AASDHPPT: variants seen among roughly 807,000 people sequenced by gnomAD.
AASDHPPT encodes the protein L-aminoadipate-semialdehyde dehydrogenase-phosphopantetheinyl transferase.
AASDHPPT carries 23 observed loss-of-function variants against 36.4 expected under a neutral mutation model. The observed-to-expected ratio is 0.63, with a 90% CI of 0.45 to 0.89. AASDHPPT has a LOEUF of 0.89. Ranked by LOEUF, AASDHPPT falls within the 40% of genes least tolerant of loss-of-function variation. The pLI is 0.00. For missense variants in AASDHPPT, 377 were observed against 378.2 expected (o/e 1.00, Z 0.03); for synonymous variants, 115 against 128.0 (o/e 0.90, Z 0.68).
intron 4 of AASDHPPT, chr11:106,091,726 G>A: frequency 3.1e-6 from 1 of 318,486 alleles, no homozygotes; most frequent in Non-Finnish European, 5.6e-6. Context: ...AGCTTTGCAT[G>A]TATGAACAGC....
At chr11:106,077,967 C>G in intron 1 of AASDHPPT, 74 bp downstream of exon 1, 1 of 1,509,836 alleles carries the variant, frequency 6.6e-7, no homozygotes, top group Non-Finnish European at 9.0e-7. Flanking sequence ...CTGTGGAGAC[C>G]CGACACTCCC....
At chr11:106,087,788 AATG>A (rs1861211394) in intron 2 of AASDHPPT, among the ~76,000 whole-genome samples, 1 of 152,142 alleles carries the variant, frequency 6.6e-6, no homozygotes, top group African/African-American at 2.4e-5. Flanking sequence ...TGCTCTCCCT[AATG>A]ATCAAGCTAT....
Position 106,077,903 on chromosome 11 carries a change from G to A in AASDHPPT, c.183+10G>A. The A allele has an allele frequency of 6.2e-7, 1 of 1,613,030 alleles. No individual in the cohort carries two copies. The highest frequency in any genetic ancestry group is 1.1e-5 in the South Asian group (1 of 91,026). The stretch of plus-strand genomic sequence containing the variant: ...CGCTAAGGCAGCCATGGTACTACAG[G>A]TCTTTTTTGGTATTTAGAGCCTAGG... On this transcript the variant is annotated intron_variant, in intron 1 of 5. Coordinates refer to ENST00000278618, the MANE Select transcript of AASDHPPT (RefSeq NM_015423.3).
chr11:106,079,385 C>CA (rs971949759), intron 1 of AASDHPPT, 82 bp from the exon 2 acceptor site: 88 of 1,234,040 alleles, frequency 7.1e-5, no homozygotes, highest in Middle Eastern at 2.8e-4. Flanking sequence ...TTTTAGAAAC[C>CA]AAAAAAAAGT....
At chr11:106,084,382 G>A (rs1861175994) in intron 2 of AASDHPPT, among the ~76,000 whole-genome samples, 1 of 152,134 alleles carries the variant, frequency 6.6e-6, no homozygotes, top group African/African-American at 2.4e-5. Context: ...ATTAATGGTG[G>A]ATGCATTCTG....
chr11:106,095,145 G>A (rs1045489584), intron 5 of AASDHPPT, among the ~76,000 whole-genome samples: 1 of 151,966 alleles, frequency 6.6e-6, no homozygotes, highest in Non-Finnish European at 1.5e-5. Context: ...AATGTTACCC[G>A]CTTCTTCACA....
At chr11:106,096,708 A>C in intron 5 of AASDHPPT, 35 bp from the exon 6 acceptor site, 1 of 1,498,492 alleles carries the variant, frequency 6.7e-7, no homozygotes, top group Non-Finnish European at 9.0e-7. Context: ...TTAACATGCA[A>C]TATAACAATA....
chr11:106,078,523 C>T (rs975853177), intron 1 of AASDHPPT, among the ~76,000 whole-genome samples: 3 of 152,186 alleles, frequency 2.0e-5, no homozygotes, highest in African/African-American at 7.2e-5. Context: ...AACAAGTAAT[C>T]TGTACAATAT....
At chr11:106,093,205 A>G (rs1412040426) in intron 4 of AASDHPPT, 1 of 152,180 alleles carries the variant, frequency 6.6e-6, no homozygotes, top group Non-Finnish European at 1.5e-5. Flanking sequence ...GCCTCTACAA[A>G]AAATTTAAAA....
chr11:106,087,879 G>T lies in AASDHPPT; in HGVS notation c.410-2678G>T, dbSNP rs566532050. 2.6e-5 allele frequency among the ~76,000 whole-genome samples: 4 copies of T among 152,268 alleles called. No homozygotes were observed. The South Asian group carries it at 8.3e-4, about 32-fold the overall frequency. On this transcript the variant is annotated intron_variant, in intron 2 of 5. Transcript: ENST00000278618. The stretch of plus-strand genomic sequence containing the variant: ...AATGGTATTATTAGAACTTGCCAAC[G>T]TATGTGCAGTAATTGTGCTGTCTTC...
chr11:106,091,520 T>C, intron 4 of AASDHPPT, 43 bp downstream of exon 4: 1 of 1,529,534 alleles, frequency 6.5e-7, no homozygotes. Flanking sequence ...AATTTCTATT[T>C]TTTATGCATG....
intron 2 of AASDHPPT, among the ~76,000 whole-genome samples, chr11:106,084,290 G>C (rs1415963224): frequency 6.6e-6 from 1 of 152,106 alleles, no homozygotes; most frequent in Non-Finnish European, 1.5e-5. Flanking sequence ...TTGATTTAGC[G>C]ATCTTGTTTA....
In AASDHPPT at chr11:106,077,910, T is replaced by C. The variant is rs1315312834; in HGVS notation, c.183+17T>C. On this transcript the variant is annotated intron_variant, in intron 1 of 5. Coordinates refer to ENST00000278618, the MANE Select transcript of AASDHPPT (RefSeq NM_015423.3). ...GCAGCCATGGTACTACAGGTCTTTT[T>C]TGGTATTTAGAGCCTAGGAAGCAGA... 1.2e-6 allele frequency: 2 copies of C among 1,612,422 alleles called. No individual in the cohort carries two copies. The highest frequency in any genetic ancestry group is 1.7e-6 in the Non-Finnish European group (2 of 1,178,846).
At chr11:106,094,821 T>TAAAAA (rs1861296765) in intron 5 of AASDHPPT, among the ~76,000 whole-genome samples, 167 bp downstream of exon 5, 1 of 152,142 alleles carries the variant, frequency 6.6e-6, no homozygotes, top group African/African-American at 2.4e-5. Context: ...ACTAGGGATT[T>TAAAAA]TGTAGAAACA....
chr11:106,090,532 T>C lies in AASDHPPT; in HGVS notation c.410-25T>C, dbSNP rs750515319. 8.4e-6 allele frequency: 13 copies of C among 1,547,950 alleles called. No homozygotes were observed. In the South Asian group the frequency reaches 1.5e-4, roughly 18 times the overall value. On this transcript the variant is annotated intron_variant, in intron 2 of 5. Transcript: ENST00000278618. ...TTTATTTTTTAATAGAACTGCTATT[T>C]AATTTTTTATTTCTTAATTGGCAGG... is the stretch of plus-strand genomic sequence containing the variant.
chr11:106,097,527 GAC>G lies in AASDHPPT; in HGVS notation c.*625_*626del, dbSNP rs889563504. The G allele has an allele frequency of 2.0e-5, 3 of 152,154 alleles. No homozygotes were observed. Among genetic ancestry groups the G allele is most frequent in the African/African-American group, 7.2e-5 (3 of 41,448 alleles). The allele number at this position is 152,154 out of a possible 1,614,324, so 9.4% of individuals were successfully genotyped here. A position where few individuals can be genotyped will look rare whatever the true frequency, so the allele number is the denominator to read the frequency against. ...CACAGGGTTCAGGGGTGTCATTAAAGACACACTTTTTTTGCCTTGACCTCAGT... is the reference window on the plus strand; with the variant it reads ...CACAGGGTTCAGGGGTGTCATTAAAGACACTTTTTTTGCCTTGACCTCAGT... On this transcript the variant is annotated 3_prime_UTR_variant, in exon 6 of 6. Coordinates refer to ENST00000278618, the MANE Select transcript of AASDHPPT (RefSeq NM_015423.3).
At chr11:106,090,755 T>C in intron 3 of AASDHPPT, 77 bp downstream of exon 3, 2 of 1,522,242 alleles carry the variant, frequency 1.3e-6, no homozygotes, top group Non-Finnish European at 1.8e-6. Context: ...AGTCCTTGGT[T>C]ACCCAGTAGT....
chr11:106,095,300 G>A (rs562729655), intron 5 of AASDHPPT, among the ~76,000 whole-genome samples: 10 of 152,236 alleles, frequency 6.6e-5, no homozygotes, highest in African/African-American at 1.4e-4. Flanking sequence ...GAATGTAAGA[G>A]TACCACGTTG....
intron 2 of AASDHPPT, among the ~76,000 whole-genome samples, chr11:106,086,722 G>A (rs528180152): frequency 6.6e-6 from 1 of 152,238 alleles, no homozygotes; most frequent in East Asian, 1.9e-4. Context: ...TGAAACTGGA[G>A]TATGATCCTT....
Sources: gnomAD v4.1 joint callset for allele counts (sites outside exome capture counted in the v4.1 genomes callset) on GRCh38, gnomAD v4.1.1 for gene constraint, MANE v1.5 for transcripts, NCBI Gene and HGNC (gene_info 2026-07-23, HGNC 2026-07-21) for gene names.